The following RFC3 variants were observed in gnomAD, a reference collection of about 807,000 sequenced individuals.
RFC3 encodes replication factor C subunit 3.
A neutral mutation model predicts 45.1 loss-of-function variants in RFC3; 41 were observed. The ratio of observed to expected loss-of-function variants is 0.91; its 90% confidence interval spans 0.71 to 1.18. RFC3 has a LOEUF of 1.18. Among genes scored for constraint, RFC3 ranks in the 50% most tolerant of loss-of-function variants. RFC3 has a pLI of 0.00. For missense variants in RFC3, 423 were observed against 428.1 expected (o/e 0.99, Z 0.10); for synonymous variants, 149 against 144.0 (o/e 1.03, Z -0.25).
chr13:33,938,860 C>T (rs1718946362), intron 8 of RFC3, among the ~76,000 whole-genome samples: 1 of 152,128 alleles, frequency 6.6e-6, no homozygotes, highest in Non-Finnish European at 1.5e-5. Flanking sequence ...AGTGATTATA[C>T]AAATTTACAC....
chr13:33,842,674 C>T (rs868526524), intron 8 of RFC3, among the ~76,000 whole-genome samples: 5 of 152,278 alleles, frequency 3.3e-5, no homozygotes, highest in African/African-American at 9.6e-5. Flanking sequence ...TCTTTCCCAC[C>T]CCGCAGCCAC....
intron 8 of RFC3, among the ~76,000 whole-genome samples, chr13:33,950,603 C>A (rs1285837661): frequency 6.6e-6 from 1 of 152,300 alleles, no homozygotes; most frequent in South Asian, 2.1e-4. Context: ...TGGAAGAAAG[C>A]GTCTGTAGTT....
intron 8 of RFC3, among the ~76,000 whole-genome samples, chr13:33,935,091 A>AT (rs2082877865): frequency 6.6e-6 from 1 of 151,808 alleles, no homozygotes; most frequent in Admixed American, 6.6e-5. Flanking sequence ...AAATATGTCA[A>AT]TTTTTCCTTT....
chr13:33,841,696 C>A (rs1272707247), downstream of RFC3, among the ~76,000 whole-genome samples: 1 of 152,098 alleles, frequency 6.6e-6, no homozygotes, highest in East Asian at 1.9e-4. Flanking sequence ...GCCCTTAACT[C>A]TTGCATTGTT....
chr13:33,920,461 C>T (rs2082762060), intron 8 of RFC3, among the ~76,000 whole-genome samples: 1 of 136,902 alleles, frequency 7.3e-6, no homozygotes, highest in Non-Finnish European at 1.5e-5. Context: ...AAGGTCCTCA[C>T]TCTGTCTCTC....
rs1445209699 is a variant in RFC3, at chr13:33,836,098, G to C, written c.880-6G>C. ...GATTTTTAAATTACTGATTATTTTTGTTTAGGGCCTTCTCTCAGAACTGTT... is the reference window on the plus strand; with the variant it reads ...GATTTTTAAATTACTGATTATTTTTCTTTAGGGCCTTCTCTCAGAACTGTT... On this transcript the variant is annotated splice_region_variant and splice_polypyrimidine_tract_variant and intron_variant, in intron 8 of 8. Transcript: ENST00000380071. 5 of 1,597,696 alleles carry C rather than the reference G, an allele frequency of 3.1e-6. No homozygotes were observed. The highest frequency in any genetic ancestry group is 1.1e-5 in the South Asian group (1 of 89,988).
intron 8 of RFC3, among the ~76,000 whole-genome samples, chr13:33,913,214 A>G (rs17080143): frequency 0.028 from 4,335 of 152,194 alleles, 217 homozygotes; most frequent in African/African-American, 0.098. Context: ...AAGGAGATCA[A>G]ATTCCACCTA....
chr13:33,899,888 A>G (rs1036260820), intron 8 of RFC3, among the ~76,000 whole-genome samples: 2 of 151,936 alleles, frequency 1.3e-5, no homozygotes, highest in East Asian at 3.9e-4. Context: ...GCCAATGGCA[A>G]ACAATCTGAA....
intron 8 of RFC3, among the ~76,000 whole-genome samples, chr13:33,961,205 T>C (rs1035025304): frequency 1.3e-5 from 2 of 152,178 alleles, no homozygotes; most frequent in Non-Finnish European, 1.5e-5. Flanking sequence ...AGACCCCTGC[T>C]TGCTCCCCTG....
At chr13:33,892,375 C>T (rs1332035314) in intron 8 of RFC3, among the ~76,000 whole-genome samples, 1 of 152,138 alleles carries the variant, frequency 6.6e-6, no homozygotes, top group Non-Finnish European at 1.5e-5. Flanking sequence ...AACTGGAGGG[C>T]CTTAAGACTT....
chr13:33,823,580 A>G (rs1027373561), intron 2 of RFC3, among the ~76,000 whole-genome samples: 3 of 152,114 alleles, frequency 2.0e-5, no homozygotes, highest in African/African-American at 7.2e-5. Flanking sequence ...ACATTTGTGT[A>G]TGTTTATTTT....
At chr13:33,822,555 A>G (rs1190720584) in intron 2 of RFC3, among the ~76,000 whole-genome samples, 1 of 152,204 alleles carries the variant, frequency 6.6e-6, no homozygotes, top group Non-Finnish European at 1.5e-5. Context: ...AAAATAGAGA[A>G]TTAGACAAGT....
intron 8 of RFC3, among the ~76,000 whole-genome samples, chr13:33,871,541 A>G (rs1372456666): frequency 6.6e-6 from 1 of 152,214 alleles, no homozygotes; most frequent in Non-Finnish European, 1.5e-5. Context: ...ATAATCTCCC[A>G]CTTCCAGATG....
chr13:33,821,120 C>CT lies in RFC3; in HGVS notation c.88-4dup, dbSNP rs759196160. On this transcript the variant is annotated splice_polypyrimidine_tract_variant and intron_variant, in intron 1 of 8. Transcript: ENST00000380071. ...TTTGACTAGGGAAAAATGCCTTGTT[C>CT]TTTTTTTTCAGGTGCAGTGTGGTGA... is the stretch of plus-strand genomic sequence containing the variant. The CT allele has an allele frequency of 1.1e-5, 17 of 1,610,774 alleles. No individual in the cohort carries two copies. Among genetic ancestry groups the CT allele is most frequent in the South Asian group, 7.7e-5 (7 of 90,828 alleles).
intron 8 of RFC3, among the ~76,000 whole-genome samples, chr13:33,949,802 G>A (rs1468111583): frequency 6.6e-6 from 1 of 152,146 alleles, no homozygotes; most frequent in Non-Finnish European, 1.5e-5. Context: ...CCAATAAATT[G>A]AAGACTTGAA....
chr13:33,966,127 G>A (rs527338068), exon 9 of RFC3: 2 of 1,608,252 alleles, frequency 1.2e-6, no homozygotes, highest in South Asian at 1.1e-5. Context: ...ATATTCTGAG[G>A]ACCTCCAAAG....
intron 8 of RFC3, among the ~76,000 whole-genome samples, chr13:33,888,205 T>G (rs1294057038): frequency 1.3e-5 from 2 of 152,216 alleles, no homozygotes; most frequent in Admixed American, 6.5e-5. Flanking sequence ...GCATCATAAC[T>G]GATATACAAA....
chr13:33,885,804 A>G (rs1042106814), intron 8 of RFC3, among the ~76,000 whole-genome samples: 1 of 152,186 alleles, frequency 6.6e-6, no homozygotes, highest in Admixed American at 6.5e-5. Flanking sequence ...TAACCTTTAA[A>G]TAGTCTGGAG....
downstream of RFC3, among the ~76,000 whole-genome samples, chr13:33,837,749 C>T (rs1872188657): frequency 6.6e-6 from 1 of 151,748 alleles, no homozygotes; most frequent in Admixed American, 6.6e-5. Flanking sequence ...TACTTTTTCC[C>T]TCTACTTATT....
Sources: allele counts gnomAD v4.1 joint callset (sites outside exome capture counted in the v4.1 genomes callset), GRCh38; gene constraint gnomAD v4.1.1; transcripts MANE v1.5; gene names NCBI Gene and HGNC (gene_info 2026-07-23, HGNC 2026-07-21).